FAF1: variants seen among roughly 807,000 people sequenced by gnomAD.
FAF1 encodes the protein Fas associated factor 1, also known as FAS-associated factor 1.
A neutral mutation model predicts 92.5 loss-of-function variants in FAF1; 25 were observed. That is an observed-to-expected ratio of 0.27 (90% CI 0.20 to 0.38). FAF1 has a LOEUF of 0.38. Ranked by LOEUF, FAF1 falls within the 10% of genes least tolerant of loss-of-function variation. The probability of loss-of-function intolerance (pLI) is 1.00; values close to 1 mark genes in which losing one functional copy is unlikely to be tolerated. For synonymous variants in FAF1, 234 were observed against 273.2 expected (o/e 0.86, Z 1.42); for missense variants, 636 against 793.3 (o/e 0.80, Z 2.38).
intron 7 of FAF1, among the ~76,000 whole-genome samples, chr1:50,664,395 C>G (rs560420796): frequency 6.6e-6 from 1 of 151,712 alleles, no homozygotes; most frequent in South Asian, 2.1e-4. Flanking sequence ...AATAAATGAC[C>G]TATTGGTCTC....
At chr1:50,592,755 T>C (rs2124067023) in intron 9 of FAF1, among the ~76,000 whole-genome samples, 1 of 152,086 alleles carries the variant, frequency 6.6e-6, no homozygotes, top group African/African-American at 2.4e-5. Context: ...TAAAACCAGT[T>C]TGGCCAACAT....
chr1:50,914,167 T>C (rs1644905127), intron 1 of FAF1, among the ~76,000 whole-genome samples: 1 of 152,176 alleles, frequency 6.6e-6, no homozygotes, highest in Non-Finnish European at 1.5e-5. Context: ...CAAACTCTTA[T>C]TTTTTCAGCC....
chr1:50,452,034 C>A, intron 18 of FAF1: 2 of 1,302,682 alleles, frequency 1.5e-6, no homozygotes, highest in South Asian at 1.3e-5. Flanking sequence ...GTGGGGAAGG[C>A]CCAGAGGGGA....
chr1:50,866,448 C>G (rs770933660), intron 1 of FAF1, among the ~76,000 whole-genome samples: 18 of 152,016 alleles, frequency 1.2e-4, no homozygotes, highest in Admixed American at 2.6e-4. Flanking sequence ...ACACTAAAGA[C>G]TCATCCAAAA....
intron 7 of FAF1, among the ~76,000 whole-genome samples, chr1:50,686,162 A>G (rs928438142): frequency 6.6e-6 from 1 of 152,222 alleles, no homozygotes; most frequent in African/African-American, 2.4e-5. Flanking sequence ...AAAAATTGCT[A>G]TCAACCCACT....
chr1:50,548,308 G>A (rs1649132108), intron 13 of FAF1, among the ~76,000 whole-genome samples: 1 of 152,118 alleles, frequency 6.6e-6, no homozygotes, highest in African/African-American at 2.4e-5. Context: ...GAAGTGCTGG[G>A]GAAAATCAGA....
At chr1:50,799,371 G>A (rs1041739347) in intron 3 of FAF1, among the ~76,000 whole-genome samples, 24 of 152,062 alleles carry the variant, frequency 1.6e-4, no homozygotes, top group Non-Finnish European at 2.9e-5. Context: ...CCAGCACACT[G>A]CCTTAAGCAT....
intron 12 of FAF1, among the ~76,000 whole-genome samples, chr1:50,570,574 G>A (rs923122214): frequency 4.6e-5 from 7 of 152,172 alleles, no homozygotes; most frequent in African/African-American, 1.7e-4. Context: ...TGTGAGAAAG[G>A]AGATGATAAA....
rs1256643879 is a variant in FAF1 at position 50,438,875 on chromosome 1, T to C, written c.*2565A>G. 6.6e-6 allele frequency: 1 copy of C among 152,232 alleles called. No homozygotes were observed. Among genetic ancestry groups the C allele is most frequent in the East Asian group, 1.9e-4 (1 of 5,204 alleles). The allele number at this position is 152,232 out of a possible 1,614,324, so 9.4% of individuals were successfully genotyped here. A position where few individuals can be genotyped will look rare whatever the true frequency, so the allele number is the denominator to read the frequency against. On this transcript the variant is annotated 3_prime_UTR_variant, in exon 19 of 19. Transcript: ENST00000396153. ...GATGCTTACAATCCAGAGATGAACA[T>C]CTGTGTGTGCTATAAAACTAGTAGT...
At chr1:50,558,032 G>A (rs1649676576) in intron 13 of FAF1, among the ~76,000 whole-genome samples, 1 of 151,838 alleles carries the variant, frequency 6.6e-6, no homozygotes, top group Non-Finnish European at 1.5e-5. Flanking sequence ...CCAAGTAGCT[G>A]GGACTACAGG....
intron 9 of FAF1, among the ~76,000 whole-genome samples, chr1:50,588,778 C>T (rs1651365181): frequency 6.6e-6 from 1 of 152,204 alleles, no homozygotes; most frequent in Non-Finnish European, 1.5e-5. Flanking sequence ...CAACAAAGGG[C>T]CATGGCTAGC....
intron 18 of FAF1, among the ~76,000 whole-genome samples, chr1:50,443,012 C>T (rs1369686175): frequency 6.6e-6 from 1 of 152,176 alleles, no homozygotes; most frequent in African/African-American, 2.4e-5. Context: ...CAAATGTTTA[C>T]CCACTTCCCC....
chr1:50,800,049 A>G (rs1661924533), intron 3 of FAF1, among the ~76,000 whole-genome samples: 1 of 152,222 alleles, frequency 6.6e-6, no homozygotes, highest in Non-Finnish European at 1.5e-5. Flanking sequence ...CATTCCTTCA[A>G]AAAAAGCAAA....
chr1:50,621,376 G>A (rs1030416443), intron 8 of FAF1, among the ~76,000 whole-genome samples: 1 of 147,018 alleles, frequency 6.8e-6, no homozygotes, highest in African/African-American at 2.5e-5. Flanking sequence ...AGTTAGCCCC[G>A]ATCTTTCTTT....
chr1:50,907,529 G>A (rs986284431), intron 1 of FAF1, among the ~76,000 whole-genome samples: 6 of 152,026 alleles, frequency 3.9e-5, no homozygotes, highest in Non-Finnish European at 8.8e-5. Context: ...TTGGTTGGTA[G>A]GCTATTAATT....
intron 8 of FAF1, among the ~76,000 whole-genome samples, chr1:50,641,668 G>C (rs1654335570): frequency 6.6e-6 from 1 of 152,128 alleles, no homozygotes. Flanking sequence ...ATTATTGGGT[G>C]AAGTGTCTAC....
At chr1:50,523,633 T>C (rs1647627511) in intron 15 of FAF1, among the ~76,000 whole-genome samples, 1 of 152,216 alleles carries the variant, frequency 6.6e-6, no homozygotes. Context: ...TGTCGTGTTG[T>C]AGGAGTTAAT....
At chr1:50,714,878 C>T (rs1463999372) in intron 6 of FAF1, 3 of 255,210 alleles carry the variant, frequency 1.2e-5, no homozygotes, top group African/African-American at 6.7e-5. Context: ...CAGACGTAGG[C>T]CAAGAAACCA....
intron 17 of FAF1, among the ~76,000 whole-genome samples, chr1:50,478,266 C>T (rs867458254): frequency 6.6e-6 from 1 of 151,648 alleles, no homozygotes; most frequent in African/African-American, 2.4e-5. Context: ...CAGGTTCAAG[C>T]GATTCTCCCA....
Sources: allele counts gnomAD v4.1 joint callset (sites outside exome capture counted in the v4.1 genomes callset), GRCh38; gene constraint gnomAD v4.1.1; transcripts MANE v1.5; gene names NCBI Gene and HGNC (gene_info 2026-07-23, HGNC 2026-07-21).